Variants in DIAPH2 observed in about 807,000 individuals in gnomAD.
The protein encoded by DIAPH2 is protein diaphanous homolog 2.
Under a neutral mutation model 92.7 loss-of-function variants are expected in DIAPH2, and 35 were observed. That is an observed-to-expected ratio of 0.38 (90% confidence interval 0.29 to 0.50). The LOEUF is 0.50. Ranked by LOEUF, DIAPH2 falls within the 20% of genes least tolerant of loss-of-function variation. The pLI, the probability that DIAPH2 is intolerant of heterozygous loss-of-function variation, is 0.94. For synonymous variants in DIAPH2, 301 were observed against 280.4 expected (o/e 1.07, Z -0.73); for missense variants, 701 against 819.5 (o/e 0.86, Z 1.77).
At chrX:97,164,712 G>T (rs1407467989) in intron 22 of DIAPH2, among the ~76,000 whole-genome samples, 3 of 112,020 alleles carry the variant, frequency 2.7e-5, no homozygotes, top group African/African-American at 9.7e-5. Flanking sequence ...TTTTTTTGGT[G>T]TTCAGAAATA....
chrX:97,383,132 T>C (rs1180900455), intron 24 of DIAPH2, among the ~76,000 whole-genome samples: 1 of 112,423 alleles, frequency 8.9e-6, no homozygotes, highest in African/African-American at 3.2e-5. Context: ...TTCACTTATG[T>C]TCCACAAATA....
chrX:96,844,175 A>G (rs2064956216), intron 4 of DIAPH2, among the ~76,000 whole-genome samples: 1 of 112,726 alleles, frequency 8.9e-6, no homozygotes, highest in Non-Finnish European at 1.9e-5. Flanking sequence ...TTTCTCTGTA[A>G]TATTTGATAC....
chrX:97,377,216 T>C (rs1394210791), intron 24 of DIAPH2, among the ~76,000 whole-genome samples: 1 of 112,362 alleles, frequency 8.9e-6, no homozygotes, highest in Non-Finnish European at 1.9e-5. Context: ...GAGGCCATTT[T>C]ACAGTTAACT....
intron 26 of DIAPH2, among the ~76,000 whole-genome samples, chrX:97,549,710 C>T (rs2071206494): frequency 9.0e-6 from 1 of 111,327 alleles, no homozygotes; most frequent in African/African-American, 3.3e-5. Flanking sequence ...AAAATCCCAG[C>T]CCACATGTTG....
intron 4 of DIAPH2, among the ~76,000 whole-genome samples, chrX:96,775,658 G>A (rs1371606282): frequency 9.1e-6 from 1 of 110,325 alleles, no homozygotes; most frequent in East Asian, 2.8e-4. Flanking sequence ...TGCTTAGAGC[G>A]TACGTTAAAA....
chrX:96,788,736 A>G (rs1440673667), intron 4 of DIAPH2, among the ~76,000 whole-genome samples: 1 of 111,980 alleles, frequency 8.9e-6, no homozygotes, highest in Non-Finnish European at 1.9e-5. Context: ...CCTTTATACA[A>G]AGGATGCGTT....
intron 5 of DIAPH2, chrX:96,884,852 C>T: frequency 8.3e-7 from 1 of 1,211,123 alleles, no homozygotes; most frequent in East Asian, 3.0e-5. Context: ...GAAAGTGTGC[C>T]TGTGTCTCCA....
At chrX:97,131,910 G>T (rs1486511142) in intron 21 of DIAPH2, among the ~76,000 whole-genome samples, 1 of 111,326 alleles carries the variant, frequency 9.0e-6, no homozygotes, top group Admixed American at 9.6e-5. Context: ...TTTGCCACTG[G>T]TCCTGGCAAT....
intron 26 of DIAPH2, among the ~76,000 whole-genome samples, chrX:97,487,694 A>G (rs901651153): frequency 3.6e-5 from 4 of 111,513 alleles, no homozygotes; most frequent in South Asian, 3.7e-4. Context: ...TTACATTCCC[A>G]CTAACAGTTG....
At chrX:96,752,976 A>G (rs190128399) in intron 3 of DIAPH2, among the ~76,000 whole-genome samples, 147 of 111,689 alleles carry the variant, frequency 1.3e-3, no homozygotes, top group African/African-American at 4.5e-3. Context: ...GCCTCCCTAC[A>G]AAATAATTCT....
intron 26 of DIAPH2, among the ~76,000 whole-genome samples, chrX:97,492,510 TC>T (rs1369337870): frequency 5.4e-5 from 6 of 111,577 alleles, no homozygotes; most frequent in Non-Finnish European, 9.4e-5. Context: ...TGTGTTGTAT[TC>T]TTTCATATGC....
intron 4 of DIAPH2, among the ~76,000 whole-genome samples, chrX:96,845,745 G>A (rs776913897): frequency 6.3e-5 from 7 of 111,904 alleles, no homozygotes; most frequent in African/African-American, 1.9e-4. Flanking sequence ...GATATAAAGC[G>A]TAAATGAAAG....
chrX:97,057,999 G>T (rs2066569430), intron 17 of DIAPH2, among the ~76,000 whole-genome samples: 1 of 110,484 alleles, frequency 9.1e-6, no homozygotes, highest in Admixed American at 9.6e-5. Flanking sequence ...TGTGGTACTT[G>T]CTTACTGTCT....
chrX:96,905,882 C>T (rs765519190), intron 5 of DIAPH2, among the ~76,000 whole-genome samples: 2 of 112,336 alleles, frequency 1.8e-5, no homozygotes, highest in South Asian at 3.7e-4. Context: ...GTAATCCCAG[C>T]GCTTTGGGAG....
intron 3 of DIAPH2, among the ~76,000 whole-genome samples, chrX:96,741,507 A>C (rs2064119696): frequency 1.1e-5 from 1 of 94,959 alleles, no homozygotes; most frequent in Admixed American, 1.2e-4. Context: ...ACAGGATCTC[A>C]CTCTTTCACC....
chrX:97,561,752 T>C (rs2071295495), intron 26 of DIAPH2, among the ~76,000 whole-genome samples: 1 of 112,577 alleles, frequency 8.9e-6, no homozygotes, highest in South Asian at 3.7e-4. Context: ...CTTGCAGACA[T>C]TTCCAGATCA....
intron 4 of DIAPH2, among the ~76,000 whole-genome samples, chrX:96,880,772 AAC>A (rs748762142): frequency 1.8e-5 from 2 of 111,474 alleles, no homozygotes; most frequent in East Asian, 5.6e-4. Context: ...TAGAATGTGA[AAC>A]TATCAGTTGT....
At position 96,930,718 on chromosome X, in the gene DIAPH2, G is replaced by T. The variant is rs1462336269; in HGVS notation, c.979-15G>T. 7.7e-6 allele frequency: 9 copies of T among 1,168,825 alleles called. No individual in the cohort carries two copies. Among genetic ancestry groups the T allele is most frequent in the Non-Finnish European group, 1.0e-5 (9 of 868,402 alleles). ...AATGTGTTTTTTTAAAACAAAATTT[G>T]CTTTCTAATTGCAGGTGGCCTGCAT... On this transcript the variant is annotated splice_polypyrimidine_tract_variant and intron_variant, in intron 9 of 26. Coordinates refer to ENST00000324765, the MANE Select transcript of DIAPH2 (RefSeq NM_006729.5).
chrX:96,749,744 G>C (rs2064175479), intron 3 of DIAPH2, among the ~76,000 whole-genome samples: 1 of 111,507 alleles, frequency 9.0e-6, no homozygotes, highest in South Asian at 3.8e-4. Context: ...TTGGGAAGAT[G>C]GGCTCTTTCC....
Sources: gnomAD v4.1 joint callset for allele counts (sites outside exome capture counted in the v4.1 genomes callset) on GRCh38, gnomAD v4.1.1 for gene constraint, MANE v1.5 for transcripts, NCBI Gene and HGNC (gene_info 2026-07-23, HGNC 2026-07-21) for gene names.